SLC14A2: variants seen among roughly 807,000 people sequenced by gnomAD.
The protein encoded by SLC14A2 is solute carrier family 14 member 2.
A neutral mutation model predicts 104.6 loss-of-function variants in SLC14A2; 91 were observed. The ratio of observed to expected loss-of-function variants is 0.87; its 90% CI spans 0.73 to 1.04. The LOEUF is 1.04. Ranked by LOEUF, SLC14A2 falls within the 50% of genes least tolerant of loss-of-function variation. The probability of loss-of-function intolerance (pLI) is 0.00; values close to 1 mark genes in which losing one functional copy is unlikely to be tolerated. For synonymous variants in SLC14A2, 476 were observed against 466.4 expected (o/e 1.02, Z -0.27); for missense variants, 1,189 against 1,156.0 (o/e 1.03, Z -0.41).
At chr18:45,212,210 T>C (rs954126369), upstream of SLC14A2, among the ~76,000 whole-genome samples, 6 of 152,366 alleles carry the variant, frequency 3.9e-5, no homozygotes, top group East Asian at 1.2e-3. Context: ...TCATTTCGTA[T>C]AGTGCACATG....
At chr18:45,219,953 A>G (rs2084046172) in intron 1 of SLC14A2, among the ~76,000 whole-genome samples, 1 of 152,220 alleles carries the variant, frequency 6.6e-6, no homozygotes, top group South Asian at 2.1e-4. Flanking sequence ...AGTAGTCCAC[A>G]TGGCCGATAC....
chr18:45,586,401 C>T (rs920749571), intron 2 of SLC14A2, among the ~76,000 whole-genome samples: 1 of 152,158 alleles, frequency 6.6e-6, no homozygotes, highest in African/African-American at 2.4e-5. Flanking sequence ...AGCTGACGCT[C>T]ATAAACTTTG....
the SLC14A2 span, among the ~76,000 whole-genome samples, chr18:45,197,333 A>C: frequency 9.2e-5 from 14 of 152,228 alleles, no homozygotes; most frequent in Admixed American, 7.2e-4. Context: ...CATGATACAT[A>C]AAAGACCTTC....
In SLC14A2 at chr18:45,420,747, TA is replaced by T. The variant is rs200223727; in HGVS notation, c.-124-62485del. Among the ~76,000 whole-genome samples the T allele has an allele frequency of 8.4e-3, 1,238 of 147,212 alleles. 21 individuals are homozygous for T. The highest frequency in any genetic ancestry group is 0.018 in the African/African-American group (740 of 40,354). On this transcript the variant is annotated intron_variant, in intron 1 of 20. Coordinates refer to the SLC14A2 transcript ENST00000586448. ...GTGGAATTATTTTTATTATTATTATTATTTTTTTTTTTGAGACGGAGTCTCA... is the reference window on the plus strand; with the variant it reads ...GTGGAATTATTTTTATTATTATTATTTTTTTTTTTTTGAGACGGAGTCTCA...
intron 10 of SLC14A2, among the ~76,000 whole-genome samples, chr18:45,653,026 C>T (rs2045767591): frequency 6.6e-6 from 1 of 151,738 alleles, no homozygotes; most frequent in Non-Finnish European, 1.5e-5. Context: ...GTGAGCGCAT[C>T]TCAAGAAGTT....
At chr18:45,548,039 G>T (rs577698028) in intron 2 of SLC14A2, among the ~76,000 whole-genome samples, 1 of 152,180 alleles carries the variant, frequency 6.6e-6, no homozygotes, top group Non-Finnish European at 1.5e-5. Flanking sequence ...CATTCCAAGG[G>T]CCCAGCCTGG....
intron 1 of SLC14A2, among the ~76,000 whole-genome samples, chr18:45,258,585 G>GAAGAATAA (rs2084503881): frequency 7.0e-6 from 1 of 143,126 alleles, no homozygotes; most frequent in Non-Finnish European, 1.5e-5. Context: ...TTGTAGGCAA[G>GAAGAATAA]GACCTTTCTT....
chr18:45,545,289 G>A lies in SLC14A2; in HGVS notation c.-35+61967G>A, dbSNP rs1264284951. ...AAAATGGTAACAGCACATCCCCATC[G>A]GGCCACATAGGTGGAGCTGGATGGA... is the stretch of plus-strand genomic sequence containing the variant. On this transcript the variant is annotated intron_variant, in intron 2 of 20. Transcript: ENST00000586448. Among the ~76,000 whole-genome samples, 9 of 152,030 alleles carry A rather than the reference G, an allele frequency of 5.9e-5. No individual in the cohort carries two copies. The South Asian group carries it at 6.2e-4, about 11-fold the overall frequency.
chr18:45,479,030 G>A (rs2087442881), intron 1 of SLC14A2, among the ~76,000 whole-genome samples: 1 of 152,204 alleles, frequency 6.6e-6, no homozygotes, highest in Admixed American at 6.5e-5. Flanking sequence ...AGCTTTGCTT[G>A]AGGTCTTTGG....
At chr18:45,553,923 C>G (rs1376605867) in intron 2 of SLC14A2, among the ~76,000 whole-genome samples, 1 of 152,160 alleles carries the variant, frequency 6.6e-6, no homozygotes, top group African/African-American at 2.4e-5. Flanking sequence ...CAAGGGTTCC[C>G]ATCTGAGAAA....
chr18:45,240,647 T>G (rs905223161), intron 1 of SLC14A2, among the ~76,000 whole-genome samples: 4 of 150,586 alleles, frequency 2.7e-5, no homozygotes, highest in African/African-American at 7.5e-5. Flanking sequence ...TTTTGTTTTT[T>G]TTGTTTTTGT....
intron 1 of SLC14A2, among the ~76,000 whole-genome samples, chr18:45,298,319 C>A (rs2084936227): frequency 6.6e-6 from 1 of 152,272 alleles, no homozygotes; most frequent in South Asian, 2.1e-4. Flanking sequence ...AGAGAAAAGG[C>A]TCATGAAATA....
At chr18:45,457,508 A>T (rs1037367351) in intron 1 of SLC14A2, among the ~76,000 whole-genome samples, 5 of 152,182 alleles carry the variant, frequency 3.3e-5, no homozygotes, top group Non-Finnish European at 7.4e-5. Context: ...GGAGTTTCAT[A>T]AAAGTGGCGA....
intron 1 of SLC14A2, among the ~76,000 whole-genome samples, chr18:45,398,753 A>G (rs931500312): frequency 5.9e-5 from 9 of 152,158 alleles, no homozygotes; most frequent in African/African-American, 2.2e-4. Context: ...CCACCCAACC[A>G]ACTTAGGGCA....
At chr18:45,311,798 A>G (rs1384780845) in intron 1 of SLC14A2, among the ~76,000 whole-genome samples, 4 of 152,306 alleles carry the variant, frequency 2.6e-5, no homozygotes, top group African/African-American at 9.6e-5. Context: ...GTGATTTAGG[A>G]GGACTGATCT....
intron 1 of SLC14A2, among the ~76,000 whole-genome samples, chr18:45,223,869 AG>A (rs931394921): frequency 6.6e-6 from 1 of 152,206 alleles, no homozygotes; most frequent in Non-Finnish European, 1.5e-5. Context: ...CCAGGGAAAC[AG>A]GCCCTTTGTG....
chr18:45,416,069 A>G (rs2086273566), intron 1 of SLC14A2, among the ~76,000 whole-genome samples: 1 of 152,094 alleles, frequency 6.6e-6, no homozygotes, highest in Non-Finnish European at 1.5e-5. Flanking sequence ...CATAATGATT[A>G]TCTTAAAAGT....
At chr18:45,500,074 G>A (rs73955841) in intron 2 of SLC14A2, among the ~76,000 whole-genome samples, 1,708 of 152,244 alleles carry the variant, frequency 0.011, 27 homozygotes, top group African/African-American at 0.039. Flanking sequence ...ATAAGAAGCC[G>A]CAAATAAATT....
At position 45,362,192 on chromosome 18, in the gene SLC14A2, C is replaced by T. The variant is rs182368788; in HGVS notation, c.-124-121041C>T. 3.2e-4 allele frequency among the ~76,000 whole-genome samples: 49 copies of T among 152,380 alleles called. No homozygotes were observed. The East Asian group carries it at 6.9e-3, about 22-fold the overall frequency. On this transcript the variant is annotated intron_variant, in intron 1 of 20. Transcript: ENST00000586448. ...GTACTTGTTTCTCCTTCCCCTTCCA[C>T]CACGATTGTAAGTTTCCTGAGGCCT...
Sources: allele counts gnomAD v4.1 joint callset (sites outside exome capture counted in the v4.1 genomes callset), GRCh38; gene constraint gnomAD v4.1.1; transcripts MANE v1.5; gene names NCBI Gene and HGNC (gene_info 2026-07-23, HGNC 2026-07-21).